The following ASPA variants were observed in gnomAD, a reference collection of about 807,000 sequenced individuals.
ASPA encodes the protein aspartoacylase, also known as ACY-2.
A neutral mutation model predicts 29.6 loss-of-function variants in ASPA; 25 were observed. The observed-to-expected ratio is 0.85, with a 90% confidence interval of 0.62 to 1.18. The LOEUF (loss-of-function observed/expected upper bound fraction) is 1.18. ASPA is among the 50% of genes most tolerant of loss of function. ASPA has a pLI of 0.00. For synonymous variants in ASPA, 131 were observed against 130.3 expected (o/e 1.01, Z -0.04); for missense variants, 333 against 385.7 (o/e 0.86, Z 1.14).
chr17:3,502,239 T>A lies in ASPA; in HGVS notation c.*3151T>A, dbSNP rs2073999143. 6.6e-6 allele frequency: 1 copy of A among 152,220 alleles called. No individual in the cohort carries two copies. Among genetic ancestry groups the A allele is most frequent in the Non-Finnish European group, 1.5e-5 (1 of 68,040 alleles). The allele number at this position is 152,220 out of a possible 1,614,324, so 9.4% of individuals were successfully genotyped here. A position where few individuals can be genotyped will look rare whatever the true frequency, so the allele number is the denominator to read the frequency against. Reference sequence around the variant, plus strand: ...CAATAAAGCATTTTTAATGAAGGAATGTACATGTTTTAGATATAATGCTAT... The same window carrying A: ...CAATAAAGCATTTTTAATGAAGGAAAGTACATGTTTTAGATATAATGCTAT... On this transcript the variant is annotated 3_prime_UTR_variant, in exon 6 of 6. Coordinates refer to ENST00000263080, the MANE Select transcript of ASPA (RefSeq NM_000049.4).
intron 5 of ASPA, among the ~76,000 whole-genome samples, chr17:3,497,291 C>A (rs959738784): frequency 2.0e-5 from 3 of 152,082 alleles, no homozygotes; most frequent in Non-Finnish European, 4.4e-5. Flanking sequence ...GAAAAACCAC[C>A]GGTTCAGAGA....
intron 1 of ASPA, among the ~76,000 whole-genome samples, chr17:3,477,755 C>G (rs1180394078): frequency 1.3e-5 from 2 of 152,038 alleles, no homozygotes; most frequent in Non-Finnish European, 2.9e-5. Flanking sequence ...CGCTGGGCCG[C>G]TTTTTTTCTT....
chr17:3,499,188 G>A lies in ASPA; in HGVS notation c.*100G>A. 4 of 1,313,318 alleles carry A rather than the reference G, an allele frequency of 3.0e-6. No homozygotes were observed. The highest frequency in any genetic ancestry group is 5.0e-5 in the East Asian group (2 of 39,892). 81.4% of individuals were successfully genotyped at this position (1,313,318 alleles called of 1,614,324 possible). A position where few individuals can be genotyped will look rare whatever the true frequency, so the allele number is the denominator to read the frequency against. On this transcript the variant is annotated 3_prime_UTR_variant, in exon 6 of 6. Coordinates refer to ENST00000263080, the MANE Select transcript of ASPA (RefSeq NM_000049.4). ...TGTGCCTTATTCAACTGCATACATA[G>A]CTCCTAGCACAGTGCCTTATTCGGT... is the stretch of plus-strand genomic sequence containing the variant.
At chr17:3,479,648 G>A (rs778353904) in intron 1 of ASPA, among the ~76,000 whole-genome samples, 13 of 151,534 alleles carry the variant, frequency 8.6e-5, no homozygotes, top group South Asian at 2.1e-4. Flanking sequence ...GCACCGACTC[G>A]ACGTGGTCCC....
upstream of ASPA, chr17:3,475,664 C>T (rs926842807): frequency 2.3e-5 from 4 of 173,552 alleles, no homozygotes; most frequent in African/African-American, 9.6e-5. Flanking sequence ...ATGAAAAGTG[C>T]TTGAACTCAT....
chr17:3,497,100 T>C (rs923621774), intron 5 of ASPA, among the ~76,000 whole-genome samples: 2 of 152,110 alleles, frequency 1.3e-5, no homozygotes, highest in Non-Finnish European at 2.9e-5. Flanking sequence ...CTGAGTCCTC[T>C]TCCCAGGGGC....
intron 1 of ASPA, among the ~76,000 whole-genome samples, chr17:3,479,108 G>A (rs528549740): frequency 6.6e-6 from 1 of 152,248 alleles, no homozygotes; most frequent in East Asian, 1.9e-4. Context: ...CTCCCCTGCT[G>A]AAAATTCTTT....
intron 4 of ASPA, among the ~76,000 whole-genome samples, chr17:3,489,743 T>C (rs1354405518): frequency 6.6e-6 from 1 of 152,194 alleles, no homozygotes; most frequent in Non-Finnish European, 1.5e-5. Flanking sequence ...GAAACTCTCA[T>C]TACCTGCTGG....
At position 3,500,012 on chromosome 17, in the gene ASPA, C is replaced by G. The variant is rs2150765276; in HGVS notation, c.*924C>G. On this transcript the variant is annotated 3_prime_UTR_variant, in exon 6 of 6. Coordinates refer to ENST00000263080, the MANE Select transcript of ASPA (RefSeq NM_000049.4). ...ACAAATGATAAGAAAGCAAAACAACCTTATTGCTGATATGGAGACAGTTTT... is the reference window on the plus strand; with the variant it reads ...ACAAATGATAAGAAAGCAAAACAACGTTATTGCTGATATGGAGACAGTTTT... The G allele has an allele frequency of 6.6e-6, 1 of 152,258 alleles. No homozygotes were observed. The highest frequency in any genetic ancestry group is 1.5e-5 in the Non-Finnish European group (1 of 68,024). The allele number at this position is 152,258 out of a possible 1,614,324, so 9.4% of individuals were successfully genotyped here.
chr17:3,481,868 A>T (rs1367452513), intron 2 of ASPA, 70 bp downstream of exon 2: 31 of 1,367,654 alleles, frequency 2.3e-5, no homozygotes, highest in Non-Finnish European at 3.0e-5. Context: ...TGGATGTGAG[A>T]CAATCAGAAA....
At position 3,476,102 on chromosome 17, in the gene ASPA, G is replaced by T; in HGVS notation, c.-58G>T. ...TTTCTAAACCTTTCTTAAGAAAATC[G>T]AATTTCCTTTGATCTCTCTTCTGAA... On this transcript the variant is annotated 5_prime_UTR_variant, in exon 1 of 6. Coordinates refer to ENST00000263080, the MANE Select transcript of ASPA (RefSeq NM_000049.4). 1 of 1,511,916 alleles carries T rather than the reference G, an allele frequency of 6.6e-7. No individual in the cohort carries two copies. Among genetic ancestry groups the T allele is most frequent in the Middle Eastern group, 1.7e-4 (1 of 5,764 alleles). 93.7% of individuals were successfully genotyped at this position (1,511,916 alleles called of 1,614,324 possible). A position where few individuals can be genotyped will look rare whatever the true frequency, so the allele number is the denominator to read the frequency against.
intron 3 of ASPA, among the ~76,000 whole-genome samples, chr17:3,484,706 A>G (rs1191080061): frequency 6.6e-6 from 1 of 152,266 alleles, no homozygotes; most frequent in Non-Finnish European, 1.5e-5. Flanking sequence ...GCAATGTCAA[A>G]TTGCTATAAA....
intron 4 of ASPA, among the ~76,000 whole-genome samples, chr17:3,493,796 T>A (rs2073865238): frequency 6.6e-6 from 1 of 152,098 alleles, no homozygotes; most frequent in African/African-American, 2.4e-5. Flanking sequence ...TCCTGACCCC[T>A]AAACCTAGAT....
intron 5 of ASPA, among the ~76,000 whole-genome samples, chr17:3,494,828 G>T (rs1188701340): frequency 6.6e-6 from 1 of 152,180 alleles, no homozygotes; most frequent in Non-Finnish European, 1.5e-5. Context: ...CACATTCAGC[G>T]GGTGGGAATT....
At chr17:3,492,814 T>G (rs2150757175) in intron 4 of ASPA, among the ~76,000 whole-genome samples, 1 of 152,254 alleles carries the variant, frequency 6.6e-6, no homozygotes, top group East Asian at 1.9e-4. Context: ...CCAGGTGAGC[T>G]GTCAGCTTAC....
In ASPA at chr17:3,476,026, T is replaced by TC; in HGVS notation, c.-132dup. The TC allele has an allele frequency of 1.3e-6, 1 of 782,176 alleles. No individual in the cohort carries two copies. 48.5% of individuals were successfully genotyped at this position (782,176 alleles called of 1,614,324 possible). ...CTTGTAACAGAAAATTAAAATATAC[T>TC]CCACTCAAGGGAATTCTGTACTTTG... On this transcript the variant is annotated 5_prime_UTR_variant, in exon 1 of 6. Coordinates refer to ENST00000263080, the MANE Select transcript of ASPA (RefSeq NM_000049.4).
At chr17:3,474,977 G>A (rs1003929239), upstream of ASPA, among the ~76,000 whole-genome samples, 1 of 152,202 alleles carries the variant, frequency 6.6e-6, no homozygotes, top group Non-Finnish European at 1.5e-5. Context: ...CAGTGGGGAT[G>A]TCAACACCTA....
rs534647503 is a variant in ASPA, at chr17:3,489,158, T to G, written c.527-77T>G. ...ATTTTAACAACATAATTCTAAATCT[T>G]GATACATTAAAATGCTTAGTTTTAT... On this transcript the variant is annotated intron_variant, in intron 3 of 5. Coordinates refer to ENST00000263080, the MANE Select transcript of ASPA (RefSeq NM_000049.4). 1.6e-3 allele frequency: 1,410 copies of G among 879,948 alleles called. 4 individuals carry two copies. Among genetic ancestry groups the G allele is most frequent in the Non-Finnish European group, 2.3e-3 (1,259 of 542,512 alleles). 54.5% of individuals were successfully genotyped at this position (879,948 alleles called of 1,614,324 possible).
At chr17:3,492,771 A>C (rs569382625) in intron 4 of ASPA, among the ~76,000 whole-genome samples, 2 of 152,200 alleles carry the variant, frequency 1.3e-5, no homozygotes, top group East Asian at 1.9e-4. Flanking sequence ...CCCATCAGAC[A>C]TAACAGTAAG....
Sources: gnomAD v4.1 joint callset for allele counts (sites outside exome capture counted in the v4.1 genomes callset) on GRCh38, gnomAD v4.1.1 for gene constraint, MANE v1.5 for transcripts, NCBI Gene and HGNC (gene_info 2026-07-23, HGNC 2026-07-21) for gene names.